Variants in AKT2 observed in about 807,000 individuals in gnomAD.
AKT2 encodes the protein RAC-beta serine/threonine-protein kinase.
AKT2 carries 16 observed loss-of-function variants against 58.6 expected under a neutral mutation model. The ratio of observed to expected loss-of-function variants is 0.27; its 90% CI spans 0.18 to 0.41. The LOEUF (loss-of-function observed/expected upper bound fraction) is 0.41. Among genes scored for constraint, AKT2 ranks in the 10% least tolerant of loss-of-function variants. AKT2 has a pLI of 1.00. For missense variants in AKT2, 438 were observed against 661.0 expected (o/e 0.66, Z 3.70); for synonymous variants, 253 against 254.0 (o/e 1.00, Z 0.04).
chr19:40,282,222 A>C, intron 1 of AKT2: 1 of 315,426 alleles, frequency 3.2e-6, no homozygotes, highest in South Asian at 2.4e-5. Flanking sequence ...CTTACACAGT[A>C]CCAGGCACCA....
Position 40,237,666 on chromosome 19 carries a change from G to C in AKT2, c.831+303C>G, listed in dbSNP as rs763976296. On this transcript the variant is annotated intron_variant, in intron 9 of 13. Transcript: ENST00000392038. The surrounding 1 kb of genome is among the most constrained non-coding windows in gnomAD (Gnocchi z 4.5). Reference sequence around the variant, plus strand: ...TAAATAAATAAATACAAATAAAGTAGGTATTGTGGCAGTTGACACTCCGCT... The same window carrying C: ...TAAATAAATAAATACAAATAAAGTACGTATTGTGGCAGTTGACACTCCGCT... 1 of 373,110 alleles carries C rather than the reference G, an allele frequency of 2.7e-6. No individual in the cohort carries two copies. Among genetic ancestry groups the C allele is most frequent in the Non-Finnish European group, 5.1e-6 (1 of 196,628 alleles). 23.1% of individuals were successfully genotyped at this position (373,110 alleles called of 1,614,324 possible). A position where few individuals can be genotyped will look rare whatever the true frequency, so the allele number is the denominator to read the frequency against.
Position 40,233,661 on chromosome 19 carries a change from G to C in AKT2, c.*211C>G, listed in dbSNP as rs375681356. The C allele has an allele frequency of 2.2e-5, 17 of 761,162 alleles. No homozygotes were observed. The highest frequency in any genetic ancestry group is 4.5e-4 in the Middle Eastern group (2 of 4,442). 47.2% of individuals were successfully genotyped at this position (761,162 alleles called of 1,614,324 possible). Reference sequence around the variant, plus strand: ...GCGGGAGGTGGAGTCTTCCAAATGCGAGTCTGGGCACAAAGGTGAGGCTGG... The same window carrying C: ...GCGGGAGGTGGAGTCTTCCAAATGCCAGTCTGGGCACAAAGGTGAGGCTGG... On this transcript the variant is annotated 3_prime_UTR_variant, in exon 14 of 14. Coordinates refer to ENST00000392038, the MANE Select transcript of AKT2 (RefSeq NM_001626.6). This position sits in a 1 kb window ranked among gnomAD's most constrained non-coding sequence, Gnocchi z 4.3.
rs1029393163 is a variant in AKT2 at position 40,234,000 on chromosome 19, G to C, written c.1367-49C>G. ...GGAGGACCAGTCAGGAGAGGGCCTG[G>C]GACACCTGCCCAGACTCCCTGGGGA... On this transcript the variant is annotated intron_variant, in intron 13 of 13. Transcript: ENST00000392038. The surrounding 1 kb of genome is among the most constrained non-coding windows in gnomAD (Gnocchi z 4.3). 1.9e-6 allele frequency: 3 copies of C among 1,577,366 alleles called. No homozygotes were observed. The African/African-American group carries it at 4.0e-5, about 21-fold the overall frequency.
chr19:40,266,313 G>A (rs1412673748), intron 1 of AKT2: 1 of 152,330 alleles, frequency 6.6e-6, no homozygotes, highest in African/African-American at 2.4e-5. Context: ...GGCGCCCAGA[G>A]AAGTGGCAGC....
chr19:40,241,455 G>A (rs41306978), intron 6 of AKT2: 8 of 229,812 alleles, frequency 3.5e-5, no homozygotes, highest in Middle Eastern at 1.8e-3. Context: ...CTGGCTAAAC[G>A]CTGATAACTG....
rs1222257138 is a variant in AKT2 at position 40,238,621 on chromosome 19, C to T, written c.708+284G>A. On this transcript the variant is annotated intron_variant, in intron 8 of 13. Coordinates refer to ENST00000392038, the MANE Select transcript of AKT2 (RefSeq NM_001626.6). This position sits in a 1 kb window ranked among gnomAD's most constrained non-coding sequence, Gnocchi z 5.1. The stretch of plus-strand genomic sequence containing the variant: ...TCTGGGGCCTTTAAGACCATCCTTC[C>T]CAGTGCTATCGCCCCACAGCCCTCT... Among the ~76,000 whole-genome samples the T allele has an allele frequency of 1.3e-5, 2 of 152,160 alleles. No homozygotes were observed. Among genetic ancestry groups the T allele is most frequent in the African/African-American group, 4.8e-5 (2 of 41,448 alleles).
chr19:40,268,370 A>G (rs1227502358), intron 1 of AKT2, among the ~76,000 whole-genome samples: 1 of 152,206 alleles, frequency 6.6e-6, no homozygotes, highest in Non-Finnish European at 1.5e-5. Flanking sequence ...AGCCAAACAC[A>G]TGGCTGCCAT....
intron 1 of AKT2, among the ~76,000 whole-genome samples, chr19:40,271,044 A>G (rs908772156): frequency 4.0e-5 from 6 of 149,976 alleles, no homozygotes; most frequent in Non-Finnish European, 8.9e-5. Context: ...ACAAACAAAC[A>G]AACAAAAAAA....
At chr19:40,281,582 C>T (rs1184876504) in intron 1 of AKT2, among the ~76,000 whole-genome samples, 17 of 152,166 alleles carry the variant, frequency 1.1e-4, no homozygotes, top group Admixed American at 9.8e-4. Flanking sequence ...AAAGCCACTG[C>T]GTGGAAGAGG....
In AKT2 at chr19:40,241,997, T is replaced by C. The variant is rs2145203194; in HGVS notation, c.514A>G (p.Lys172Glu). ...ATGGCGTAGTAGCGGCCAGTGGCCTTCTCCCGCACCAGGATGACTTTGCCA... is the reference window on the plus strand; with the variant it reads ...ATGGCGTAGTAGCGGCCAGTGGCCTCCTCCCGCACCAGGATGACTTTGCCA... ...TFGKVILVRE[K>E]ATGRYYAMKI... The change falls in exon 6 of 14, where the codon AAG (lysine) becomes GAG (glutamate). Residue 172 changes from lysine (K) to glutamate (E), a missense_variant. Lys to Glu is a moderately conservative substitution (Grantham distance 56, BLOSUM62 1). Coordinates refer to ENST00000392038, the MANE Select transcript of AKT2 (RefSeq NM_001626.6). The C allele has an allele frequency of 3.1e-6, 5 of 1,614,210 alleles. No individual in the cohort carries two copies. Among genetic ancestry groups the C allele is most frequent in the Non-Finnish European group, 4.2e-6 (5 of 1,180,044 alleles).
In AKT2 at chr19:40,233,974, G is replaced by C; in HGVS notation, c.1367-23C>G. On this transcript the variant is annotated intron_variant, in intron 13 of 13. Transcript: ENST00000392038. The surrounding 1 kb of genome is among the most constrained non-coding windows in gnomAD (Gnocchi z 4.3). ...CATCTGTGGGCGGCAGAGGTGGATG[G>C]GGAGGACCAGTCAGGAGAGGGCCTG... 1 of 1,606,860 alleles carries C rather than the reference G, an allele frequency of 6.2e-7. No individual in the cohort carries two copies. The highest frequency in any genetic ancestry group is 1.1e-5 in the South Asian group (1 of 90,934).
rs4574034 is a variant in AKT2 at position 40,231,335 on chromosome 19, C to T, written c.*2537G>A. ...AACGTGGGTCAACTCGGGGCTGGGACGAGATGGAAGAGTAAAAGGCCTTTC... is the reference window on the plus strand; with the variant it reads ...AACGTGGGTCAACTCGGGGCTGGGATGAGATGGAAGAGTAAAAGGCCTTTC... On this transcript the variant is annotated 3_prime_UTR_variant, in exon 14 of 14. Coordinates refer to ENST00000392038, the MANE Select transcript of AKT2 (RefSeq NM_001626.6). The T allele has an allele frequency of 1.3e-5, 3 of 232,432 alleles. No individual in the cohort carries two copies. The highest frequency in any genetic ancestry group is 6.1e-5 in the East Asian group (1 of 16,486). The allele number at this position is 232,432 out of a possible 1,614,324, so 14.4% of individuals were successfully genotyped here.
Position 40,257,071 on chromosome 19 carries a change from A to G in AKT2, c.47-17T>C. 6.2e-7 allele frequency: 1 copy of G among 1,613,670 alleles called. No homozygotes were observed. Among genetic ancestry groups the G allele is most frequent in the South Asian group, 1.1e-5 (1 of 91,070 alleles). On this transcript the variant is annotated splice_polypyrimidine_tract_variant and intron_variant, in intron 2 of 13. Transcript: ENST00000392038. Reference sequence around the variant, plus strand: ...TGTATTCACCTGAAATGAGGCAGGAAGGGAGGGAGAGAGGTTAGGACAAGG... The same window carrying G: ...TGTATTCACCTGAAATGAGGCAGGAGGGGAGGGAGAGAGGTTAGGACAAGG...
chr19:40,267,033 C>T (rs1976410206), intron 1 of AKT2, among the ~76,000 whole-genome samples: 1 of 152,128 alleles, frequency 6.6e-6, no homozygotes, highest in Admixed American at 6.5e-5. Flanking sequence ...ACGTGACCAT[C>T]TCTCCCCATC....
intron 6 of AKT2, 108 bp from the exon 7 acceptor site, chr19:40,240,218 T>A (rs1229843442): frequency 8.6e-7 from 1 of 1,167,666 alleles, no homozygotes; most frequent in Admixed American, 1.7e-5. Context: ...TTCCCAGCCA[T>A]AAATGCAGAA....
chr19:40,267,099 C>T (rs1976416071), intron 1 of AKT2, among the ~76,000 whole-genome samples: 1 of 152,154 alleles, frequency 6.6e-6, no homozygotes, highest in Admixed American at 6.5e-5. Flanking sequence ...ACCTCTTCCC[C>T]GAGTTCCTAC....
At chr19:40,251,871 T>C (rs992471970) in intron 4 of AKT2, among the ~76,000 whole-genome samples, 4 of 152,156 alleles carry the variant, frequency 2.6e-5, no homozygotes, top group Non-Finnish European at 5.9e-5. Context: ...TGAACACAAG[T>C]TCAAGTTCAG....
intron 4 of AKT2, among the ~76,000 whole-genome samples, chr19:40,251,647 G>A (rs1975164070): frequency 6.6e-6 from 1 of 152,196 alleles, no homozygotes; most frequent in African/African-American, 2.4e-5. Context: ...AAAGAGACAT[G>A]TACCTTGAAT....
intron 9 of AKT2, 129 bp from the exon 10 acceptor site, chr19:40,236,514 C>T: frequency 8.2e-7 from 1 of 1,224,358 alleles, no homozygotes; most frequent in Admixed American, 1.9e-5. Flanking sequence ...GGGCCCAGCA[C>T]ACACAGCCTC....
Sources: allele counts gnomAD v4.1 joint callset (sites outside exome capture counted in the v4.1 genomes callset), GRCh38; gene constraint gnomAD v4.1.1; non-coding constraint Gnocchi (gnomAD v3.1); transcripts MANE v1.5; gene names NCBI Gene and HGNC (gene_info 2026-07-23, HGNC 2026-07-21).